PDZK1: variants seen among roughly 807,000 people sequenced by gnomAD.
PDZK1 encodes the protein PDZ domain containing 1.
A neutral mutation model predicts 38.1 loss-of-function variants in PDZK1; 23 were observed. The ratio of observed to expected loss-of-function variants is 0.60; its 90% CI spans 0.43 to 0.85. PDZK1 has a LOEUF of 0.85. Among genes scored for constraint, PDZK1 ranks in the 40% least tolerant of loss-of-function variants. PDZK1 has a pLI of 0.00. For missense variants in PDZK1, 297 were observed against 504.3 expected, an observed-to-expected ratio of 0.59 and a Z score of 3.94; for synonymous variants, 98 against 186.2, an observed-to-expected ratio of 0.53 and a Z score of 3.86.
At chr1:145,677,815 C>T (rs1352303583) in intron 6 of PDZK1, among the ~76,000 whole-genome samples, 7 of 137,904 alleles carry the variant, frequency 5.1e-5, no homozygotes, top group Non-Finnish European at 1.1e-4. Flanking sequence ...TTATCTTGTT[C>T]ATCTTTACAA....
chr1:145,687,696 T>A, intron 2 of PDZK1, 116 bp downstream of exon 2: 1 of 832,978 alleles, frequency 1.2e-6, no homozygotes, highest in Non-Finnish European at 2.0e-6. Flanking sequence ...GTGTCCTGCC[T>A]TGCCAGTGGC....
chr1:145,688,130 T>A, intron 1 of PDZK1, 107 bp from the exon 2 acceptor site: 1 of 955,304 alleles, frequency 1.0e-6, no homozygotes, highest in Non-Finnish European at 1.7e-6. Flanking sequence ...TCACCAAATC[T>A]AGACTGCTTG....
intron 1 of PDZK1, among the ~76,000 whole-genome samples, chr1:145,690,641 C>T (rs1436662821): frequency 1.3e-5 from 2 of 152,148 alleles, no homozygotes; most frequent in East Asian, 3.9e-4. Flanking sequence ...ATGCTCATTT[C>T]TAAGGCACTC....
chr1:145,692,393 A>G (rs1571624901), intron 1 of PDZK1, among the ~76,000 whole-genome samples: 2 of 152,316 alleles, frequency 1.3e-5, no homozygotes, highest in East Asian at 1.9e-4. Context: ...TGTAACTCCT[A>G]TGAGCTTCCA....
At chr1:145,693,808 C>T (rs2101919240) in intron 1 of PDZK1, among the ~76,000 whole-genome samples, 1 of 152,058 alleles carries the variant, frequency 6.6e-6, no homozygotes, top group East Asian at 1.9e-4. Context: ...GCCTCGACTC[C>T]TCCTGTCTCC....
chr1:145,689,099 G>T (rs1553702620), intron 1 of PDZK1, among the ~76,000 whole-genome samples: 2 of 152,124 alleles, frequency 1.3e-5, no homozygotes, highest in Non-Finnish European at 2.9e-5. Flanking sequence ...CTAGGTTGGG[G>T]CTCTCCCTCC....
chr1:145,678,234 T>A (rs1430897455), intron 6 of PDZK1, among the ~76,000 whole-genome samples: 1 of 39,978 alleles, frequency 2.5e-5, no homozygotes, highest in Non-Finnish European at 4.8e-5. Flanking sequence ...ACAAATTCTT[T>A]CAAAATCTTA....
At chr1:145,671,851 A>G (rs1380369702) in intron 8 of PDZK1, among the ~76,000 whole-genome samples, 12 of 148,272 alleles carry the variant, frequency 8.1e-5, no homozygotes, top group Non-Finnish European at 1.5e-4. Flanking sequence ...AAGAGAAATT[A>G]CAGAATTTTT....
rs1571592988 is a variant in PDZK1, at chr1:145,681,117, C to G, written c.598-10G>C. 8 of 523,754 alleles carry G rather than the reference C, an allele frequency of 1.5e-5. No individual in the cohort carries two copies. In the East Asian group the frequency reaches 2.6e-4, roughly 17 times the overall value. 32.4% of individuals were successfully genotyped at this position (523,754 alleles called of 1,614,324 possible). Reference sequence around the variant, plus strand: ...TTCCTGACTTCTTCACCTGTAACAACACACACAGATGAGGAATGACATCAA... The same window carrying G: ...TTCCTGACTTCTTCACCTGTAACAAGACACACAGATGAGGAATGACATCAA... On this transcript the variant is annotated splice_polypyrimidine_tract_variant and intron_variant, in intron 4 of 8. Coordinates refer to ENST00000417171, the MANE Select transcript of PDZK1 (RefSeq NM_001201325.2).
At position 145,692,325 on chromosome 1, in the gene PDZK1, AC is replaced by A. The variant is rs1391774276; in HGVS notation, c.-2-4303del. On this transcript the variant is annotated intron_variant, in intron 1 of 8. Transcript: ENST00000417171. ...GAGATCCTCAGCACCACCCTCACCAACTCCTCTGCACAGAAAGCTGGAAGTC... is the reference window on the plus strand; with the variant it reads ...GAGATCCTCAGCACCACCCTCACCAATCCTCTGCACAGAAAGCTGGAAGTC... 6.6e-5 allele frequency among the ~76,000 whole-genome samples: 10 copies of A among 152,246 alleles called. No homozygotes were observed. In the East Asian group the frequency reaches 1.9e-3, roughly 29 times the overall value.
intron 2 of PDZK1, among the ~76,000 whole-genome samples, chr1:145,687,048 A>G (rs1654836525): frequency 1.3e-5 from 2 of 152,164 alleles, no homozygotes; most frequent in Non-Finnish European, 2.9e-5. Flanking sequence ...GGGACAGCAC[A>G]GTGTAAGGAA....
At chr1:145,692,715 A>G (rs587717129) in intron 1 of PDZK1, among the ~76,000 whole-genome samples, 1 of 151,464 alleles carries the variant, frequency 6.6e-6, no homozygotes, top group Non-Finnish European at 1.5e-5. Context: ...CTCAAAAAAA[A>G]AAAAAAGAAG....
chr1:145,683,048 T>A (rs1654420361), intron 3 of PDZK1, among the ~76,000 whole-genome samples: 1 of 152,202 alleles, frequency 6.6e-6, no homozygotes, highest in South Asian at 2.1e-4. Context: ...TCTCAGCTCC[T>A]TTGGCCTTTG....
chr1:145,673,223 T>C (rs1553698473), intron 7 of PDZK1, among the ~76,000 whole-genome samples: 3 of 152,304 alleles, frequency 2.0e-5, no homozygotes, highest in Non-Finnish European at 2.9e-5. Flanking sequence ...TGATTAGTGG[T>C]ATTATAAATA....
chr1:145,677,463 A>C (rs1432115152), intron 6 of PDZK1, among the ~76,000 whole-genome samples: 4 of 151,222 alleles, frequency 2.6e-5, no homozygotes, highest in Admixed American at 6.6e-5. Context: ...ACTTCTATTC[A>C]AGTTGATATT....
chr1:145,703,508 TC>T (rs1553705275), intron 1 of PDZK1, among the ~76,000 whole-genome samples: 1 of 152,162 alleles, frequency 6.6e-6, no homozygotes, highest in East Asian at 1.9e-4. Context: ...TAACTTGGTT[TC>T]CCCTGACTAT....
intron 1 of PDZK1, among the ~76,000 whole-genome samples, chr1:145,703,718 A>G (rs781916606): frequency 1.3e-5 from 2 of 152,118 alleles, no homozygotes; most frequent in Non-Finnish European, 2.9e-5. Context: ...ATCAGAGCAC[A>G]GTTATATGTT....
chr1:145,677,112 T>C (rs587617688), intron 6 of PDZK1, among the ~76,000 whole-genome samples: 1 of 152,202 alleles, frequency 6.6e-6, no homozygotes, highest in Non-Finnish European at 1.5e-5. Context: ...GATGGTCATC[T>C]CTAGAAGCCA....
intron 3 of PDZK1, among the ~76,000 whole-genome samples, chr1:145,685,780 T>C (rs1654700520): frequency 6.6e-6 from 1 of 152,190 alleles, no homozygotes; most frequent in Admixed American, 6.5e-5. Flanking sequence ...CACGGTCAAC[T>C]GAACACAGGT....
Sources: allele counts gnomAD v4.1 joint callset (sites outside exome capture counted in the v4.1 genomes callset), GRCh38; gene constraint gnomAD v4.1.1; transcripts MANE v1.5; gene names NCBI Gene and HGNC (gene_info 2026-07-23, HGNC 2026-07-21).